The following EIF4G3 variants were observed in gnomAD, a reference collection of about 807,000 sequenced individuals.
The protein encoded by EIF4G3 is eIF-4-gamma 3.
Under a neutral mutation model 186.4 loss-of-function variants are expected in EIF4G3, and 34 were observed. The ratio of observed to expected loss-of-function variants is 0.18; its 90% CI spans 0.14 to 0.24. EIF4G3 has a LOEUF of 0.24. Ranked by LOEUF, EIF4G3 falls within the 10% of genes least tolerant of loss-of-function variation. The pLI is 1.00. For missense variants in EIF4G3, 1,536 were observed against 1,948.5 expected (o/e 0.79, Z 3.99); for synonymous variants, 673 against 679.5 (o/e 0.99, Z 0.15).
intron 4 of EIF4G3, among the ~76,000 whole-genome samples, chr1:21,042,218 A>G (rs964190745): frequency 2.6e-5 from 4 of 152,030 alleles, no homozygotes; most frequent in Non-Finnish European, 5.9e-5. Context: ...GCGCAAGTGA[A>G]CTGCCCACCT....
At chr1:20,974,891 A>G (rs2076547292) in intron 10 of EIF4G3, among the ~76,000 whole-genome samples, 2 of 152,182 alleles carry the variant, frequency 1.3e-5, no homozygotes, top group Admixed American at 6.5e-5. Flanking sequence ...AGAAGGAAAA[A>G]AATATGTACG....
At chr1:21,060,146 T>C (rs566700280) in intron 3 of EIF4G3, among the ~76,000 whole-genome samples, 1 of 123,496 alleles carries the variant, frequency 8.1e-6, no homozygotes, top group Middle Eastern at 4.0e-3. Context: ...AGACAAGATT[T>C]CACCATGGTG....
chr1:20,849,416 T>A lies in EIF4G3; in HGVS notation c.3887A>T (p.Lys1296Met). ...IDEFLHINDF[K>M]EAMQCVEELN... ...TGTTTTTTTTTTAATCTCATTTACC[T>A]TAAAATCATTAATGTGTAGAAATTC... The change falls in exon 29 of 37, where the codon AAG becomes ATG. Residue 1296 changes from lysine to methionine, a missense_variant and splice_region_variant. By Grantham distance (95) the Lys-to-Met change is moderately conservative. Coordinates refer to ENST00000602326, the MANE Select transcript of EIF4G3 (RefSeq NM_001391906.1). 1 of 1,495,816 alleles carries A rather than the reference T, an allele frequency of 6.7e-7. No individual in the cohort carries two copies. Among genetic ancestry groups the A allele is most frequent in the Admixed American group, 2.2e-5 (1 of 44,556 alleles). 92.7% of individuals were successfully genotyped at this position (1,495,816 alleles called of 1,614,324 possible).
At chr1:21,115,090 T>A (rs1384066857) in intron 2 of EIF4G3, among the ~76,000 whole-genome samples, 2 of 152,194 alleles carry the variant, frequency 1.3e-5, no homozygotes, top group Non-Finnish European at 1.5e-5. Context: ...AATATCTTAG[T>A]ATAATCTTAT....
intron 3 of EIF4G3, among the ~76,000 whole-genome samples, chr1:21,069,033 G>C (rs965281570): frequency 5.3e-5 from 8 of 152,176 alleles, no homozygotes; most frequent in African/African-American, 1.9e-4. Context: ...AAACTGTTCT[G>C]TTGAGTTTTT....
intron 4 of EIF4G3, among the ~76,000 whole-genome samples, chr1:21,035,961 G>A (rs545426571): frequency 1.3e-5 from 2 of 152,310 alleles, no homozygotes; most frequent in Non-Finnish European, 2.9e-5. Flanking sequence ...GCAGAGGAAG[G>A]AGAGACATCA....
intron 29 of EIF4G3, among the ~76,000 whole-genome samples, chr1:20,848,370 A>G (rs1477398592): frequency 6.6e-6 from 1 of 152,258 alleles, no homozygotes; most frequent in Non-Finnish European, 1.5e-5. Context: ...CTGTTTTAAC[A>G]GATTAGCCTT....
At chr1:21,024,462 G>A (rs2091701855) in intron 4 of EIF4G3, among the ~76,000 whole-genome samples, 1 of 152,138 alleles carries the variant, frequency 6.6e-6, no homozygotes, top group Admixed American at 6.5e-5. Context: ...GGGAAAGGTG[G>A]GGAAAAGATT....
Position 21,090,244 on chromosome 1 carries a change from CTT to C in EIF4G3, c.-271-1033_-271-1032del, listed in dbSNP as rs376369163. On this transcript the variant is annotated intron_variant, in intron 2 of 36. Coordinates refer to ENST00000602326, the MANE Select transcript of EIF4G3 (RefSeq NM_001391906.1). ...AATGTAAAAAATTTCGAATTCTCCT[CTT>C]TCTTTTTTCTAGTAGAATAATAACA... Among the ~76,000 whole-genome samples the C allele has an allele frequency of 5.3e-4, 81 of 152,278 alleles. 3 individuals are homozygous for C. The South Asian group carries it at 0.013, about 25-fold the overall frequency.
At chr1:21,080,126 C>T (rs924455132) in intron 3 of EIF4G3, among the ~76,000 whole-genome samples, 7 of 149,274 alleles carry the variant, frequency 4.7e-5, no homozygotes, top group Non-Finnish European at 7.4e-5. Context: ...AGTCCAGCCT[C>T]GGTGACAGAG....
At chr1:21,020,796 T>C (rs2090492067) in intron 4 of EIF4G3, among the ~76,000 whole-genome samples, 1 of 152,172 alleles carries the variant, frequency 6.6e-6, no homozygotes, top group Admixed American at 6.5e-5. Context: ...TACTGAAACA[T>C]GGAGTGAAAT....
chr1:20,914,743 T>C (rs1178260223), intron 14 of EIF4G3, among the ~76,000 whole-genome samples: 2 of 152,234 alleles, frequency 1.3e-5, no homozygotes, highest in East Asian at 1.9e-4. Context: ...TAAAAGTGTG[T>C]TAGTTTCTAA....
intron 10 of EIF4G3, among the ~76,000 whole-genome samples, chr1:20,975,835 C>T (rs2076746337): frequency 6.6e-6 from 1 of 151,674 alleles, no homozygotes; most frequent in Non-Finnish European, 1.5e-5. Flanking sequence ...AAATCTAGTC[C>T]ACCACTATTT....
At chr1:20,999,600 C>A (rs549683239) in intron 6 of EIF4G3, 4 of 342,032 alleles carry the variant, frequency 1.2e-5, no homozygotes, top group Non-Finnish European at 1.7e-5. Flanking sequence ...TTTCTATGAA[C>A]AAGAAGAGTA....
chr1:20,942,392 G>T, intron 13 of EIF4G3, 62 bp from the exon 14 acceptor site: 2 of 1,485,490 alleles, frequency 1.3e-6, no homozygotes, highest in Non-Finnish European at 1.8e-6. Context: ...TATTGCCTTG[G>T]GCCAATTCTT....
At chr1:20,982,976 G>A (rs1256763767) in intron 7 of EIF4G3, among the ~76,000 whole-genome samples, 1 of 152,126 alleles carries the variant, frequency 6.6e-6, no homozygotes, top group Non-Finnish European at 1.5e-5. Flanking sequence ...ATGTGGTCTT[G>A]CACCAAAATA....
intron 2 of EIF4G3, among the ~76,000 whole-genome samples, chr1:21,169,503 T>C (rs919899459): frequency 6.6e-6 from 1 of 152,182 alleles, no homozygotes; most frequent in African/African-American, 2.4e-5. Context: ...TCTCCACTAA[T>C]AAGATTATGA....
intron 14 of EIF4G3, among the ~76,000 whole-genome samples, chr1:20,926,623 T>C (rs1046631461): frequency 6.6e-6 from 1 of 150,490 alleles, no homozygotes; most frequent in Non-Finnish European, 1.5e-5. Flanking sequence ...GCCATGTTTA[T>C]GCCACTGCAC....
intron 14 of EIF4G3, among the ~76,000 whole-genome samples, chr1:20,933,637 CAG>C (rs1368198642): frequency 1.3e-5 from 2 of 151,890 alleles, no homozygotes; most frequent in Non-Finnish European, 2.9e-5. Flanking sequence ...GCCTGGGCAA[CAG>C]AGTGAGACTC....
Sources: allele counts gnomAD v4.1 joint callset (sites outside exome capture counted in the v4.1 genomes callset), GRCh38; gene constraint gnomAD v4.1.1; transcripts MANE v1.5; gene names NCBI Gene and HGNC (gene_info 2026-07-23, HGNC 2026-07-21).